CDK5RAP2: variants seen among roughly 807,000 people sequenced by gnomAD.
CDK5RAP2 encodes the protein CDK5 regulatory subunit associated protein 2.
Under a neutral mutation model 232.9 loss-of-function variants are expected in CDK5RAP2, and 147 were observed. The observed-to-expected ratio is 0.63, with a 90% CI of 0.55 to 0.72. The LOEUF is 0.72. Ranked by LOEUF, CDK5RAP2 falls within the 30% of genes least tolerant of loss-of-function variation. CDK5RAP2 has a pLI of 0.00. For synonymous variants in CDK5RAP2, 833 were observed against 833.7 expected (o/e 1.00, Z 0.01); for missense variants, 2,195 against 2,231.5 (o/e 0.98, Z 0.33).
At chr9:120,551,011 A>ATGT in intron 3 of CDK5RAP2, 109 bp from the exon 4 acceptor site, 1 of 736,890 alleles carries the variant, frequency 1.4e-6, no homozygotes, top group Non-Finnish European at 2.5e-6. Flanking sequence ...ACTGATTCAA[A>ATGT]TGTTAAATAC....
intron 12 of CDK5RAP2, among the ~76,000 whole-genome samples, chr9:120,517,177 A>G (rs777962093): frequency 6.6e-6 from 1 of 152,224 alleles, no homozygotes; most frequent in Non-Finnish European, 1.5e-5. Flanking sequence ...AAAATCAGTA[A>G]GAGTTACTTT....
At chr9:120,540,919 G>A (rs2131992791) in intron 5 of CDK5RAP2, among the ~76,000 whole-genome samples, 1 of 152,332 alleles carries the variant, frequency 6.6e-6, no homozygotes, top group African/African-American at 2.4e-5. Flanking sequence ...GCTGGCCAAA[G>A]CCAAGGCGCC....
intron 23 of CDK5RAP2, among the ~76,000 whole-genome samples, chr9:120,441,495 A>T (rs994422130): frequency 6.6e-6 from 1 of 152,234 alleles, no homozygotes; most frequent in African/African-American, 2.4e-5. Context: ...ACATCCTCTA[A>T]CCATTCCAAG....
Position 120,543,634 on chromosome 9 carries a change from G to A in CDK5RAP2, c.383+2080C>T, listed in dbSNP as rs371407756. Among the ~76,000 whole-genome samples, 133 of 152,256 alleles carry A rather than the reference G, an allele frequency of 8.7e-4. 1 individual carries two copies. The highest frequency in any genetic ancestry group is 3.4e-3 in the Middle Eastern group (1 of 294). ...AGTACTTTGGGAGGCTGAGGTGGGCGGATCACATGAGGCCAGGGGTTCGAG... is the reference window on the plus strand; with the variant it reads ...AGTACTTTGGGAGGCTGAGGTGGGCAGATCACATGAGGCCAGGGGTTCGAG... On this transcript the variant is annotated intron_variant, in intron 5 of 37. Coordinates refer to ENST00000349780, the MANE Select transcript of CDK5RAP2 (RefSeq NM_018249.6).
At chr9:120,416,626 T>C (rs896800385) in intron 27 of CDK5RAP2, among the ~76,000 whole-genome samples, 1 of 152,236 alleles carries the variant, frequency 6.6e-6, no homozygotes, top group African/African-American at 2.4e-5. Context: ...TGAGCATGTA[T>C]TTGTTCAGCC....
rs755836611 is a variant in CDK5RAP2, at chr9:120,470,252, G to A, written c.1859-32C>T. On this transcript the variant is annotated intron_variant, in intron 16 of 37. Coordinates refer to ENST00000349780, the MANE Select transcript of CDK5RAP2 (RefSeq NM_018249.6). Reference sequence around the variant, plus strand: ...AAAAAAGAAAAAAAAAAGGTGGGGAGGGGGAGGAGAAAAAGAATATCAGAA... The same window carrying A: ...AAAAAAGAAAAAAAAAAGGTGGGGAAGGGGAGGAGAAAAAGAATATCAGAA... 4.7e-6 allele frequency: 5 copies of A among 1,058,806 alleles called. No homozygotes were observed. The South Asian group carries it at 5.7e-5, about 12-fold the overall frequency. 65.6% of individuals were successfully genotyped at this position (1,058,806 alleles called of 1,614,324 possible). A position where few individuals can be genotyped will look rare whatever the true frequency, so the allele number is the denominator to read the frequency against.
intron 3 of CDK5RAP2, among the ~76,000 whole-genome samples, chr9:120,551,512 A>T (rs1001347855): frequency 6.6e-6 from 1 of 152,238 alleles, no homozygotes; most frequent in Non-Finnish European, 1.5e-5. Flanking sequence ...GAAATAAATC[A>T]ATGAGAGCAA....
chr9:120,533,529 G>A (rs540453589), intron 7 of CDK5RAP2, among the ~76,000 whole-genome samples: 231 of 152,252 alleles, frequency 1.5e-3, no homozygotes, highest in Non-Finnish European at 2.8e-3. Context: ...GCCAGGCACA[G>A]TGGCTCATGT....
chr9:120,515,678 A>G (rs2040302745), intron 12 of CDK5RAP2, among the ~76,000 whole-genome samples: 1 of 152,232 alleles, frequency 6.6e-6, no homozygotes, highest in African/African-American at 2.4e-5. Context: ...AATATTGGCC[A>G]GGTGCCAACC....
chr9:120,544,149 T>C (rs760844807), intron 5 of CDK5RAP2, among the ~76,000 whole-genome samples: 8 of 152,176 alleles, frequency 5.3e-5, no homozygotes, highest in Admixed American at 2.0e-4. Flanking sequence ...CATATAAACA[T>C]GTGCACAAGC....
rs1456154598 is a variant in CDK5RAP2, at chr9:120,389,190, T to A, written c.*46A>T. 6.6e-7 allele frequency: 1 copy of A among 1,520,220 alleles called. No homozygotes were observed. The highest frequency in any genetic ancestry group is 1.4e-5 in the African/African-American group (1 of 72,938). 94.2% of individuals were successfully genotyped at this position (1,520,220 alleles called of 1,614,324 possible). On this transcript the variant is annotated 3_prime_UTR_variant, in exon 38 of 38. Coordinates refer to ENST00000349780, the MANE Select transcript of CDK5RAP2 (RefSeq NM_018249.6). ...CCACACTTGGAACAAAGAGACAGCG[T>A]GAGCTCGGTGGGGGAAGCACAAGCT...
chr9:120,430,448 G>A lies in CDK5RAP2; in HGVS notation c.3955+6847C>T, dbSNP rs1290638529. On this transcript the variant is annotated intron_variant, in intron 25 of 37. Coordinates refer to ENST00000349780, the MANE Select transcript of CDK5RAP2 (RefSeq NM_018249.6). ...CAAACAACCCCATCAAAAAGTGGGCGAAGGATATGAACAGACACTTCTCAA... is the reference window on the plus strand; with the variant it reads ...CAAACAACCCCATCAAAAAGTGGGCAAAGGATATGAACAGACACTTCTCAA... Among the ~76,000 whole-genome samples the A allele has an allele frequency of 4.6e-3, 685 of 149,988 alleles. 2 individuals are homozygous for A. The highest frequency in any genetic ancestry group is 5.5e-3 in the Non-Finnish European group (368 of 66,714).
chr9:120,418,342 G>C (rs549414003), intron 27 of CDK5RAP2, among the ~76,000 whole-genome samples: 1 of 152,316 alleles, frequency 6.6e-6, no homozygotes, highest in Non-Finnish European at 1.5e-5. Context: ...GCGAAGGGTG[G>C]AAAAAGAGGG....
At chr9:120,428,406 A>G (rs1215746643) in intron 25 of CDK5RAP2, among the ~76,000 whole-genome samples, 3 of 152,258 alleles carry the variant, frequency 2.0e-5, no homozygotes, top group African/African-American at 7.2e-5. Flanking sequence ...TAGATGCAAT[A>G]AAGAATGATA....
chr9:120,390,851 T>A (rs2031890206), intron 36 of CDK5RAP2, among the ~76,000 whole-genome samples: 2 of 152,180 alleles, frequency 1.3e-5, no homozygotes, highest in South Asian at 4.1e-4. Flanking sequence ...AATATTGATT[T>A]CTTGCCTCAC....
intron 35 of CDK5RAP2, among the ~76,000 whole-genome samples, chr9:120,398,352 T>C (rs1010319108): frequency 1.3e-5 from 2 of 152,216 alleles, no homozygotes; most frequent in African/African-American, 4.8e-5. Context: ...AATATAATAA[T>C]TCAGAATATG....
chr9:120,569,983 T>C (rs2042790191), intron 2 of CDK5RAP2, among the ~76,000 whole-genome samples: 1 of 151,990 alleles, frequency 6.6e-6, no homozygotes, highest in Non-Finnish European at 1.5e-5. Flanking sequence ...ATACACAATG[T>C]TGAGAGAGGA....
intron 4 of CDK5RAP2, among the ~76,000 whole-genome samples, chr9:120,546,631 T>A (rs2041852723): frequency 6.6e-6 from 1 of 152,196 alleles, no homozygotes; most frequent in Admixed American, 6.5e-5. Context: ...TTTTTTGTTT[T>A]TTTGTTTTTT....
At chr9:120,504,033 C>A (rs930953001) in intron 12 of CDK5RAP2, among the ~76,000 whole-genome samples, 4 of 152,172 alleles carry the variant, frequency 2.6e-5, no homozygotes, top group Admixed American at 6.5e-5. Flanking sequence ...CTGTCAATCA[C>A]TCCTGCTATC....
Sources: allele counts gnomAD v4.1 joint callset (sites outside exome capture counted in the v4.1 genomes callset), GRCh38; gene constraint gnomAD v4.1.1; transcripts MANE v1.5; gene names NCBI Gene and HGNC (gene_info 2026-07-23, HGNC 2026-07-21).